The following TTBK1 variants were observed in gnomAD, a reference collection of about 807,000 sequenced individuals.
TTBK1 encodes the protein tau tubulin kinase 1.
Under a neutral mutation model 108.5 loss-of-function variants are expected in TTBK1, and 34 were observed. That is an observed-to-expected ratio of 0.31 (90% confidence interval 0.24 to 0.42). TTBK1 has a LOEUF of 0.42. Ranked by LOEUF, TTBK1 falls within the 10% of genes least tolerant of loss-of-function variation. The pLI, the probability that TTBK1 is intolerant of heterozygous loss-of-function variation, is 1.00. For missense variants in TTBK1, 1,539 were observed against 1,826.0 expected (o/e 0.84, Z 2.86); for synonymous variants, 809 against 795.1 (o/e 1.02, Z -0.29).
At position 43,249,558 on chromosome 6, in the gene TTBK1, T is replaced by C. The variant is rs371376454; in HGVS notation, c.108+2790T>C. Among the ~76,000 whole-genome samples, 631 of 152,142 alleles carry C rather than the reference T, an allele frequency of 4.1e-3. 5 individuals are homozygous for C. The highest frequency in any genetic ancestry group is 0.014 in the African/African-American group (569 of 41,524). ...TCTCTTTGACCTAAAGGTTCATTTT[T>C]TTCCCCTGATGATTTTTTTTTTAAT... On this transcript the variant is annotated intron_variant, in intron 2 of 14. Transcript: ENST00000259750.
chr6:43,246,691 G>T lies in TTBK1; in HGVS notation c.31G>T (p.Glu11Ter). The change falls in exon 2 of 15, where the codon GAA becomes TAA. Residue 11 changes from glutamate to a stop codon, truncating the protein, a stop_gained. Transcript: ENST00000259750. LOFTEE classifies it high-confidence loss of function. MQCLAAALKD[E>*]TNMSGGGEQA... The stretch of plus-strand genomic sequence containing the variant: ...GTGCCTAGCGGCCGCCCTTAAGGAC[G>T]AAACCAACATGAGTGGGGGAGGGGA... 1.2e-6 allele frequency: 2 copies of T among 1,611,642 alleles called. No individual in the cohort carries two copies. Among genetic ancestry groups the T allele is most frequent in the Non-Finnish European group, 1.7e-6 (2 of 1,178,974 alleles).
At chr6:43,267,255 T>A (rs1281324933) in intron 13 of TTBK1, among the ~76,000 whole-genome samples, 1 of 152,150 alleles carries the variant, frequency 6.6e-6, no homozygotes, top group Non-Finnish European at 1.5e-5. Flanking sequence ...CCTATTTTTT[T>A]CTTCTGTCTT....
In TTBK1 at chr6:43,243,603, C is replaced by G. The variant is rs1297207170; in HGVS notation, c.-160C>G. ...CCGCCGGAGGGAGCGGGTCACCCAA[C>G]GCCGCACTGAGCCGCCCCCGCCCCG... is the stretch of plus-strand genomic sequence containing the variant. On this transcript the variant is annotated 5_prime_UTR_variant, in exon 1 of 15. Coordinates refer to ENST00000259750, the MANE Select transcript of TTBK1 (RefSeq NM_032538.3). The surrounding 1 kb of genome is among the most constrained non-coding windows in gnomAD (Gnocchi z 5.5). The G allele has an allele frequency of 6.6e-6, 1 of 152,100 alleles. No homozygotes were observed. The highest frequency in any genetic ancestry group is 1.5e-5 in the Non-Finnish European group (1 of 67,662). The allele number at this position is 152,100 out of a possible 1,614,324, so 9.4% of individuals were successfully genotyped here.
Position 43,263,219 on chromosome 6 carries a change from C to G in TTBK1, c.1855C>G (p.Gln619Glu). ...QHLPPQPLPP[Q>E]LSQGDGRSET... ...TTTGCCGCCCCAGCCCCTGCCACCCCAGCTGAGCCAGGGCGATGGCCGTTC... is the reference window on the plus strand; with the variant it reads ...TTTGCCGCCCCAGCCCCTGCCACCCGAGCTGAGCCAGGGCGATGGCCGTTC... The change falls in exon 13 of 15, where the codon CAG becomes GAG. Residue 619 changes from glutamine to glutamate, a missense_variant. Gln to Glu is a conservative substitution (Grantham distance 29, BLOSUM62 2). This residue lies in a region of TTBK1 where 1,055 missense variants were observed against 1,086.5 expected (regional missense o/e 0.97). Transcript: ENST00000259750. The surrounding 1 kb of genome is among the most constrained non-coding windows in gnomAD (Gnocchi z 4.7). The G allele has an allele frequency of 6.3e-7, 1 of 1,577,798 alleles. No homozygotes were observed. The highest frequency in any genetic ancestry group is 1.2e-5 in the South Asian group (1 of 86,342).
chr6:43,255,496 C>A, intron 7 of TTBK1, 56 bp from the exon 8 acceptor site: 2 of 1,485,182 alleles, frequency 1.3e-6, no homozygotes, highest in Non-Finnish European at 1.8e-6. Flanking sequence ...GGGTCAGCCG[C>A]CCATTCCCAG....
intron 6 of TTBK1, 39 bp downstream of exon 6, chr6:43,254,690 C>T (rs1424529032): frequency 6.7e-7 from 1 of 1,496,642 alleles, no homozygotes; most frequent in East Asian, 2.3e-5. Context: ...TGGAGGACTC[C>T]CCCCTACTCC....
chr6:43,264,775 G>C (rs1471057777), intron 13 of TTBK1, among the ~76,000 whole-genome samples: 1 of 152,172 alleles, frequency 6.6e-6, no homozygotes, highest in Non-Finnish European at 1.5e-5. Flanking sequence ...GGTGAGCTCT[G>C]AGAGCCAGGT....
Position 43,283,197 on chromosome 6 carries a change from G to A in TTBK1, c.2457G>A (p.Arg819=). ...ACGATCAGAAGGAGTCCAGGGGCCG[G>A]GCCTCCATGGCCGATGGGGACCTGG... is the stretch of plus-strand genomic sequence containing the variant. ...LADDQKESRG[R]ASMADGDLEP... Residue 819 remains arginine, a synonymous_variant, in exon 14 of 15, where the codon CGG becomes CGA. Transcript: ENST00000259750. The surrounding 1 kb of genome is among the most constrained non-coding windows in gnomAD (Gnocchi z 8.1). 2 of 1,552,226 alleles carry A rather than the reference G, an allele frequency of 1.3e-6. No homozygotes were observed. The highest frequency in any genetic ancestry group is 2.4e-5 in the East Asian group (1 of 41,132).
chr6:43,282,425 T>C lies in TTBK1; in HGVS notation c.1987-302T>C, dbSNP rs1016018099. 3.9e-5 allele frequency among the ~76,000 whole-genome samples: 6 copies of C among 152,086 alleles called. No homozygotes were observed. Among genetic ancestry groups the C allele is most frequent in the Non-Finnish European group, 5.9e-5 (4 of 67,996 alleles). On this transcript the variant is annotated intron_variant, in intron 13 of 14. Transcript: ENST00000259750. This position sits in a 1 kb window ranked among gnomAD's most constrained non-coding sequence, Gnocchi z 5.4. ...ATGGCGATGAGAGGGGCTGGGGACA[T>C]AGAGAGGCTGGGAGGCAGAAAGGCC...
intron 14 of TTBK1, 89 bp downstream of exon 14, chr6:43,284,401 T>TTCTCC: frequency 1.2e-5 from 17 of 1,445,570 alleles, no homozygotes; most frequent in Non-Finnish European, 1.3e-5. Flanking sequence ...GGTCAGGGGC[T>TTCTCC]ATGGAAGATC....
At chr6:43,271,350 C>T in intron 13 of TTBK1, 1 of 985,424 alleles carries the variant, frequency 1.0e-6, no homozygotes, top group East Asian at 1.1e-4. Context: ...AGGCTGTGCA[C>T]TGTGTAATTC....
chr6:43,254,743 A>G, intron 6 of TTBK1, 92 bp downstream of exon 6: 1 of 1,231,906 alleles, frequency 8.1e-7, no homozygotes. Flanking sequence ...CAGCTGCCTA[A>G]GCTGGCCTGG....
intron 13 of TTBK1, among the ~76,000 whole-genome samples, chr6:43,278,316 C>T (rs766768108): frequency 6.6e-6 from 1 of 152,132 alleles, no homozygotes; most frequent in Non-Finnish European, 1.5e-5. Flanking sequence ...GCCTAGCCCT[C>T]TAGATGAGGC....
rs377243165 is a variant in TTBK1 at position 43,286,019 on chromosome 6, T to G, written c.*643T>G. 6.6e-6 allele frequency: 1 copy of G among 152,578 alleles called. No homozygotes were observed. Among genetic ancestry groups the G allele is most frequent in the East Asian group, 1.9e-4 (1 of 5,156 alleles). 9.5% of individuals were successfully genotyped at this position (152,578 alleles called of 1,614,324 possible). ...CAGGTGTGAGGGGGCAGGTCTGACC[T>G]GCCCCAAAGTTGGCTCCATCCTGGA... On this transcript the variant is annotated 3_prime_UTR_variant, in exon 15 of 15. Transcript: ENST00000259750. The surrounding 1 kb of genome is among the most constrained non-coding windows in gnomAD (Gnocchi z 4.6).
intron 13 of TTBK1, among the ~76,000 whole-genome samples, chr6:43,266,638 C>T (rs554090549): frequency 2.0e-4 from 31 of 151,236 alleles, no homozygotes; most frequent in African/African-American, 5.8e-4. Flanking sequence ...TTTTTTGAGA[C>T]GGAGTTTTGC....
intron 13 of TTBK1, among the ~76,000 whole-genome samples, chr6:43,277,596 GT>G (rs1778038443): frequency 6.6e-6 from 1 of 152,232 alleles, no homozygotes; most frequent in South Asian, 2.1e-4. Context: ...GGTCAAGTGG[GT>G]GTGGTTCTGC....
At chr6:43,247,887 C>T (rs1777140947) in intron 2 of TTBK1, 1 of 151,866 alleles carries the variant, frequency 6.6e-6, no homozygotes, top group Admixed American at 6.6e-5. Flanking sequence ...GAGGAGACTT[C>T]TAGGGGTCCC....
chr6:43,267,372 C>T (rs1007239415), intron 13 of TTBK1, among the ~76,000 whole-genome samples: 4 of 152,210 alleles, frequency 2.6e-5, no homozygotes, highest in East Asian at 1.9e-4. Context: ...CACCCACAGG[C>T]GGAGATTATG....
At chr6:43,281,790 A>T (rs1412163425) in intron 13 of TTBK1, among the ~76,000 whole-genome samples, 1 of 152,154 alleles carries the variant, frequency 6.6e-6, no homozygotes, top group Non-Finnish European at 1.5e-5. Flanking sequence ...CATGGAACAA[A>T]GCTGTGTCAG....
Sources: gnomAD v4.1 joint callset for allele counts (sites outside exome capture counted in the v4.1 genomes callset) on GRCh38, gnomAD v4.1.1 for gene constraint, gnomAD v4.1.1 regional missense constraint, Gnocchi (gnomAD v3.1) non-coding constraint, MANE v1.5 for transcripts, NCBI Gene and HGNC (gene_info 2026-07-23, HGNC 2026-07-21) for gene names.